Variants in COL26A1 observed in about 807,000 individuals in gnomAD.
COL26A1 encodes collagen type XXVI alpha 1 chain, also known as collagen alpha-1(XXVI) chain.
Under a neutral mutation model 59.3 loss-of-function variants are expected in COL26A1, and 41 were observed. That is an observed-to-expected ratio of 0.69 (90% confidence interval 0.54 to 0.90). The LOEUF is 0.90. Among genes scored for constraint, COL26A1 ranks in the 40% least tolerant of loss-of-function variants. COL26A1 has a pLI of 0.00. For missense variants in COL26A1, 612 were observed against 602.3 expected, an observed-to-expected ratio of 1.02 and a Z score of -0.17; for synonymous variants, 266 against 256.0, an observed-to-expected ratio of 1.04 and a Z score of -0.37.
At chr7:101,489,680 C>CTTTCTTTCTGT (rs1563007460) in intron 3 of COL26A1, among the ~76,000 whole-genome samples, 4 of 21,368 alleles carry the variant, frequency 1.9e-4, no homozygotes, top group African/African-American at 5.7e-4. Context: ...TTCCTTCCTT[C>CTTTCTTTCTGT]CTTTCTTTCT....
chr7:101,474,064 C>T (rs145870264), intron 3 of COL26A1, among the ~76,000 whole-genome samples: 2,495 of 152,194 alleles, frequency 0.016, 52 homozygotes, highest in Non-Finnish European at 0.022. Flanking sequence ...AAAGCATGTA[C>T]GGCTGGCAAA....
chr7:101,544,368 C>T (rs1195692801), intron 6 of COL26A1, among the ~76,000 whole-genome samples: 1 of 152,082 alleles, frequency 6.6e-6, no homozygotes, highest in African/African-American at 2.4e-5. Context: ...GCTGGGATTA[C>T]AGGCATGCGC....
intron 4 of COL26A1, among the ~76,000 whole-genome samples, chr7:101,539,053 T>G (rs1436211395): frequency 6.6e-6 from 1 of 152,192 alleles, no homozygotes; most frequent in African/African-American, 2.4e-5. Context: ...TCAAGTTGTT[T>G]AAAGGAAGGA....
intron 3 of COL26A1, among the ~76,000 whole-genome samples, chr7:101,480,609 T>C (rs906887914): frequency 2.6e-5 from 4 of 152,130 alleles, no homozygotes; most frequent in African/African-American, 9.7e-5. Context: ...CGAGTGATCC[T>C]CCCACCTCAG....
chr7:101,374,976 G>C (rs1051734834), intron 1 of COL26A1, among the ~76,000 whole-genome samples: 3 of 151,866 alleles, frequency 2.0e-5, no homozygotes, highest in African/African-American at 7.3e-5. Context: ...CAGGAGAATC[G>C]CTTGACCTGT....
chr7:101,428,789 T>G lies in COL26A1; in HGVS notation c.281+8690T>G, dbSNP rs536638182. On this transcript the variant is annotated intron_variant, in intron 2 of 12. Coordinates refer to ENST00000313669, the MANE Select transcript of COL26A1 (RefSeq NM_001278563.3). Reference sequence around the variant, plus strand: ...TCTCAAAGTGTGAAGATTACAGGCATGAGCCACCGCACCTGGCCCGCAAAT... The same window carrying G: ...TCTCAAAGTGTGAAGATTACAGGCAGGAGCCACCGCACCTGGCCCGCAAAT... 2.8e-4 allele frequency among the ~76,000 whole-genome samples: 42 copies of G among 152,162 alleles called. No individual in the cohort carries two copies. In the East Asian group the frequency reaches 8.1e-3, roughly 29 times the overall value.
chr7:101,439,233 T>C (rs147861460), intron 2 of COL26A1, among the ~76,000 whole-genome samples: 1 of 151,860 alleles, frequency 6.6e-6, no homozygotes, highest in East Asian at 1.9e-4. Context: ...CCCTAGTCAG[T>C]CGATTGATAG....
rs13230848 is a variant in COL26A1, at chr7:101,557,966, C to T, written c.*436C>T. 25,050 of 153,868 alleles carry T rather than the reference C, an allele frequency of 0.16. 2,327 individuals are homozygous for T. The highest frequency in any genetic ancestry group is 0.25 in the Middle Eastern group (73 of 296). 9.5% of individuals were successfully genotyped at this position (153,868 alleles called of 1,614,324 possible). ...ACGGTAGAAATAACCCTCTCTTGGCCACCAGATCACGGGTGGCAGGGGCAG... is the reference window on the plus strand; with the variant it reads ...ACGGTAGAAATAACCCTCTCTTGGCTACCAGATCACGGGTGGCAGGGGCAG... On this transcript the variant is annotated 3_prime_UTR_variant, in exon 13 of 13. Transcript: ENST00000313669.
chr7:101,398,744 C>T (rs556153717), intron 1 of COL26A1, among the ~76,000 whole-genome samples: 5 of 152,154 alleles, frequency 3.3e-5, no homozygotes, highest in East Asian at 1.9e-4. Context: ...CCCAAAGCAG[C>T]GCGTAGAGTT....
At chr7:101,452,994 G>A (rs562888402) in intron 3 of COL26A1, among the ~76,000 whole-genome samples, 2 of 152,212 alleles carry the variant, frequency 1.3e-5, no homozygotes, top group East Asian at 3.9e-4. Flanking sequence ...CAAGTGATCT[G>A]CCCGCCCCCG....
At chr7:101,463,948 C>G (rs572347650) in intron 3 of COL26A1, among the ~76,000 whole-genome samples, 1 of 123,756 alleles carries the variant, frequency 8.1e-6, no homozygotes, top group Non-Finnish European at 1.7e-5. Context: ...CTTAATCTTT[C>G]TCTCTCTCTT....
At chr7:101,516,401 A>G (rs1244296204) in intron 3 of COL26A1, among the ~76,000 whole-genome samples, 2 of 151,924 alleles carry the variant, frequency 1.3e-5, no homozygotes, top group Non-Finnish European at 2.9e-5. Flanking sequence ...CCTCTCGAAT[A>G]GCCGGGACTA....
chr7:101,544,388 T>C (rs7789667), intron 6 of COL26A1, among the ~76,000 whole-genome samples: 82,380 of 151,774 alleles, frequency 0.54, 25,368 homozygotes, highest in African/African-American at 0.84. Context: ...CCACCACACC[T>C]GGCTAATTTT....
intron 3 of COL26A1, among the ~76,000 whole-genome samples, chr7:101,521,523 G>A (rs1278035408): frequency 1.3e-5 from 2 of 152,116 alleles, no homozygotes; most frequent in South Asian, 2.1e-4. Flanking sequence ...ACCAATGCAG[G>A]TGTGAGGGAG....
At chr7:101,383,690 G>A (rs777910950) in intron 1 of COL26A1, among the ~76,000 whole-genome samples, 20 of 152,214 alleles carry the variant, frequency 1.3e-4, no homozygotes, top group Admixed American at 3.9e-4. Context: ...ATGTGCCACC[G>A]TGCCCAGCTA....
At chr7:101,552,805 G>A (rs1489536323) in intron 10 of COL26A1, among the ~76,000 whole-genome samples, 1 of 152,226 alleles carries the variant, frequency 6.6e-6, no homozygotes, top group African/African-American at 2.4e-5. Context: ...TACTCAGGAG[G>A]CTGAGGCAGG....
Position 101,557,636 on chromosome 7 carries a change from A to G in COL26A1, c.*106A>G, listed in dbSNP as rs17393131. 89,234 of 1,193,436 alleles carry G rather than the reference A, an allele frequency of 0.075. 3,842 individuals are homozygous for G. Among genetic ancestry groups the G allele is most frequent in the South Asian group, 0.095 (6,050 of 63,804 alleles). The allele number at this position is 1,193,436 out of a possible 1,614,324, so 73.9% of individuals were successfully genotyped here. ...CCCCCAGGGGAACTGGGCTCCAGGC[A>G]TGGATGATTGTGAGGACATGGGGGG... On this transcript the variant is annotated 3_prime_UTR_variant, in exon 13 of 13. Transcript: ENST00000313669.
chr7:101,518,666 T>C (rs1414272507), intron 3 of COL26A1, among the ~76,000 whole-genome samples: 1 of 152,168 alleles, frequency 6.6e-6, no homozygotes, highest in African/African-American at 2.4e-5. Context: ...AACAATGCGA[T>C]CCTCAGAAAT....
rs193218749 is a variant in COL26A1, at chr7:101,515,445, A to G, written c.386-17637A>G. Reference sequence around the variant, plus strand: ...ACTACAGGTGTGTGCCACCACACTCAGCTAATTTTTGTATTTTTAGTAGAG... The same window carrying G: ...ACTACAGGTGTGTGCCACCACACTCGGCTAATTTTTGTATTTTTAGTAGAG... On this transcript the variant is annotated intron_variant, in intron 3 of 12. Transcript: ENST00000313669. Among the ~76,000 whole-genome samples, 574 of 152,052 alleles carry G rather than the reference A, an allele frequency of 3.8e-3. 5 individuals are homozygous for G. Among genetic ancestry groups the G allele is most frequent in the African/African-American group, 0.013 (529 of 41,476 alleles).
Sources: gnomAD v4.1 joint callset for allele counts (sites outside exome capture counted in the v4.1 genomes callset) on GRCh38, gnomAD v4.1.1 for gene constraint, MANE v1.5 for transcripts, NCBI Gene and HGNC (gene_info 2026-07-23, HGNC 2026-07-21) for gene names.